Variants in FER1L5 observed in about 807,000 individuals in gnomAD.
FER1L5 encodes the protein fer-1 like family member 5.
In FER1L5, 187 loss-of-function variants were observed where a neutral mutation model predicts 279.9. The observed-to-expected ratio is 0.67, with a 90% CI of 0.59 to 0.75. The LOEUF (loss-of-function observed/expected upper bound fraction) is 0.75, where lower values mean the gene tolerates loss of function less well. FER1L5 is among the 30% of genes least tolerant of loss of function. The pLI is 0.00. For synonymous variants in FER1L5, 921 were observed against 989.7 expected (o/e 0.93, Z 1.30); for missense variants, 2,091 against 2,594.4 (o/e 0.81, Z 4.21).
chr2:96,651,356 CTT>C (rs1272028049), intron 6 of FER1L5, among the ~76,000 whole-genome samples: 9 of 142,524 alleles, frequency 6.3e-5, no homozygotes, highest in Admixed American at 3.6e-4. Context: ...CTTTCTTTTT[CTT>C]TCTTTCCTTC....
rs770801616 is a variant in FER1L5 at position 96,701,998 on chromosome 2, G to T, written c.5114G>T (p.Gly1705Val). Residue 1705 changes from glycine (G) to valine (V), a missense_variant, in exon 46 of 53, where the codon GGG becomes GTG. Physicochemically the swap from Gly to Val is moderately radical, Grantham distance 109 (BLOSUM62 -3). Transcript: ENST00000624922. The stretch of plus-strand genomic sequence containing the variant: ...GTGGACATCTTCCCCAAGAAGCTGG[G>T]GCCTCCTGGCCCCCAAGTCAACATC... The part of the protein sequence containing the change: ...MWVDIFPKKL[G>V]PPGPQVNINP... The T allele has an allele frequency of 6.2e-7, 1 of 1,613,834 alleles. No individual in the cohort carries two copies. Among genetic ancestry groups the T allele is most frequent in the Non-Finnish European group, 8.5e-7 (1 of 1,179,880 alleles).
At chr2:96,680,704 A>G (rs933525021) in intron 19 of FER1L5, among the ~76,000 whole-genome samples, 8 of 152,320 alleles carry the variant, frequency 5.3e-5, no homozygotes, top group African/African-American at 1.4e-4. Context: ...AGTAGAACAT[A>G]CCTATGGAAA....
chr2:96,649,664 T>A lies in FER1L5; in HGVS notation c.381T>A (p.Asp127Glu). 5.2e-6 allele frequency: 8 copies of A among 1,551,572 alleles called. 1 individual carries two copies. The South Asian group carries it at 9.5e-5, about 18-fold the overall frequency. ...AGGTGGCCCACATGAGCAACCAGGA[T>A]ATTGAGAAGACAGGTATGTCCTTCC... Reference protein sequence around the residue: ...TLQVAHMSNQDIEKTGAEDHL... With the variant: ...TLQVAHMSNQEIEKTGAEDHL... The change falls in exon 5 of 53, where the codon GAT becomes GAA. Residue 127 changes from aspartate (D) to glutamate (E), a missense_variant. Physicochemically the swap from Asp to Glu is conservative, Grantham distance 45. Transcript: ENST00000624922.
rs752638777 is a variant in FER1L5, at chr2:96,702,780, A to G, written c.5397+39A>G. 27 of 1,607,742 alleles carry G rather than the reference A, an allele frequency of 1.7e-5. No homozygotes were observed. Among genetic ancestry groups the G allele is most frequent in the East Asian group, 2.2e-5 (1 of 44,664 alleles). ...GGCGTGAGGGGCAACAGGCCACAAC[A>G]AACAGACCCAGGCTCCTGGAGCTCC... On this transcript the variant is annotated intron_variant, in intron 48 of 52. Coordinates refer to ENST00000624922, the MANE Select transcript of FER1L5 (RefSeq NM_001293083.2). This position sits in a 1 kb window ranked among gnomAD's most constrained non-coding sequence, Gnocchi z 4.0.
rs368369982 is a variant in FER1L5, at chr2:96,694,489, G to T, written c.3741+25G>T. ...GGTGCTGGCGATGTGGGATGGGGAC[G>T]GTGGGCAGGACAGGCGGGGGTGGTC... On this transcript the variant is annotated intron_variant, in intron 34 of 52. Transcript: ENST00000624922. This position sits in a 1 kb window ranked among gnomAD's most constrained non-coding sequence, Gnocchi z 4.6. 1 of 1,520,450 alleles carries T rather than the reference G, an allele frequency of 6.6e-7. No individual in the cohort carries two copies. Among genetic ancestry groups the T allele is most frequent in the African/African-American group, 1.4e-5 (1 of 72,572 alleles). 94.2% of individuals were successfully genotyped at this position (1,520,450 alleles called of 1,614,324 possible).
At chr2:96,659,411 T>TTCCTTCCTTCCTTTCTC (rs1558854152) in intron 9 of FER1L5, among the ~76,000 whole-genome samples, 3 of 6,262 alleles carry the variant, frequency 4.8e-4, no homozygotes, top group Non-Finnish European at 8.2e-4. Flanking sequence ...CTTTCTTTCT[T>TTCCTTCCTTCCTTTCTC]TCTTTCTTTC....
chr2:96,669,586 C>T (rs896835750), intron 17 of FER1L5, among the ~76,000 whole-genome samples: 4 of 152,132 alleles, frequency 2.6e-5, no homozygotes, highest in African/African-American at 4.8e-5. Context: ...TGGGAAGGAA[C>T]GAGGCAGGGA....
chr2:96,645,160 G>A (rs1355155234), intron 1 of FER1L5, among the ~76,000 whole-genome samples: 1 of 152,082 alleles, frequency 6.6e-6, no homozygotes, highest in Non-Finnish European at 1.5e-5. Flanking sequence ...GGGTACACTG[G>A]GCTTTGCTCC....
Position 96,691,378 on chromosome 2 carries a change from C to T in FER1L5, c.2907+25C>T. 1 of 1,543,164 alleles carries T rather than the reference C, an allele frequency of 6.5e-7. No individual in the cohort carries two copies. Among genetic ancestry groups the T allele is most frequent in the Non-Finnish European group, 8.8e-7 (1 of 1,141,598 alleles). Reference sequence around the variant, plus strand: ...GGTGAGGGGTCGACGGGCGCCCTGGCTGGGACTGCGGGCAGGGCCGCCTTG... The same window carrying T: ...GGTGAGGGGTCGACGGGCGCCCTGGTTGGGACTGCGGGCAGGGCCGCCTTG... On this transcript the variant is annotated intron_variant, in intron 28 of 52. Coordinates refer to ENST00000624922, the MANE Select transcript of FER1L5 (RefSeq NM_001293083.2). This position sits in a 1 kb window ranked among gnomAD's most constrained non-coding sequence, Gnocchi z 6.0.
In FER1L5 at chr2:96,681,612, G is replaced by A. The variant is rs536371756; in HGVS notation, c.1670-2715G>A. 2.2e-4 allele frequency among the ~76,000 whole-genome samples: 33 copies of A among 151,862 alleles called. No homozygotes were observed. The South Asian group carries it at 4.2e-3, about 19-fold the overall frequency. ...TTGATATGATATAAAAAATCATATC[G>A]TGGTTTCTTTTGCTCACTGTTCTAT... On this transcript the variant is annotated intron_variant, in intron 19 of 52. Transcript: ENST00000624922.
At chr2:96,663,084 T>C (rs2076009829) in intron 13 of FER1L5, among the ~76,000 whole-genome samples, 1 of 152,268 alleles carries the variant, frequency 6.6e-6, no homozygotes, top group Non-Finnish European at 1.5e-5. Context: ...TGCCATTAGC[T>C]GTGTTTTTGC....
chr2:96,663,997 G>A (rs553607529), intron 14 of FER1L5, among the ~76,000 whole-genome samples: 14 of 152,170 alleles, frequency 9.2e-5, no homozygotes, highest in Admixed American at 5.2e-4. Context: ...GAGCTGAGCC[G>A]AGGTAGTATC....
chr2:96,692,292 C>T (rs2077183434), intron 31 of FER1L5, 111 bp downstream of exon 31: 1 of 1,190,396 alleles, frequency 8.4e-7, no homozygotes, highest in Non-Finnish European at 1.2e-6. Context: ...CAGCCAGGGC[C>T]CCTGCCTGTC....
chr2:96,695,616 C>A lies in FER1L5; in HGVS notation c.3849C>A (p.Thr1283=). 6.2e-7 allele frequency: 1 copy of A among 1,604,244 alleles called. No homozygotes were observed. Among genetic ancestry groups the A allele is most frequent in the South Asian group, 1.1e-5 (1 of 89,180 alleles). ...CAGAACCCATCAGGGACTTTCAGAC[C>A]AACCCCAACTTCCCCGAGTCTGAGT... ...LRTEPIRDFQ[T]NPNFPESESV... is the part of the protein sequence containing the mutation. Residue 1283 remains threonine (T), a synonymous_variant, in exon 35 of 53, where the codon ACC becomes ACA. Coordinates refer to ENST00000624922, the MANE Select transcript of FER1L5 (RefSeq NM_001293083.2).
chr2:96,668,762 C>T lies in FER1L5; in HGVS notation c.1152C>T (p.Leu384=). 4 of 1,551,682 alleles carry T rather than the reference C, an allele frequency of 2.6e-6. No individual in the cohort carries two copies. The highest frequency in any genetic ancestry group is 3.5e-6 in the Non-Finnish European group (4 of 1,146,970). ...ILTFRIQLPC[L]SSYIKFRVLD... ...CCTTCCCTCCACAGCTACCCTGCCT[C>T]TCCAGCTACATCAAGTTCAGAGTCT... Residue 384 remains leucine (L), a synonymous_variant, in exon 15 of 53, where the codon CTC becomes CTT. Transcript: ENST00000624922.
chr2:96,702,913 C>CT lies in FER1L5; in HGVS notation c.5398-64dup. On this transcript the variant is annotated intron_variant, in intron 48 of 52. Transcript: ENST00000624922. This position sits in a 1 kb window ranked among gnomAD's most constrained non-coding sequence, Gnocchi z 4.0. ...TCTATCACTGCTGGGTGGAGGGCCA[C>CT]TGAGGGGTGCAAGGGAAACGTCCAG... 1.9e-6 allele frequency: 3 copies of CT among 1,552,970 alleles called. No homozygotes were observed. Among genetic ancestry groups the CT allele is most frequent in the Non-Finnish European group, 2.6e-6 (3 of 1,143,944 alleles).
rs1188743163 is a variant in FER1L5 at position 96,700,029 on chromosome 2, G to A, written c.4879G>A (p.Glu1627Lys). ...GCTACCTCCGCCTCTGTTCAGTCCT[G>A]AGGAAGATGCTGTTTTCTATAATGG... ...KGLPPPLFSPEEDAVFYNGKK... is the reference protein window; with the variant it reads ...KGLPPPLFSPKEDAVFYNGKK... The change falls in exon 44 of 53, where the codon GAG becomes AAG. Residue 1627 changes from glutamate to lysine, a missense_variant. By Grantham distance (56) the Glu-to-Lys change is moderately conservative. Transcript: ENST00000624922. 1 of 1,613,990 alleles carries A rather than the reference G, an allele frequency of 6.2e-7. No individual in the cohort carries two copies. The highest frequency in any genetic ancestry group is 1.3e-5 in the African/African-American group (1 of 75,068).
rs1277866496 is a variant in FER1L5, at chr2:96,693,986, C to A, written c.3550C>A (p.Pro1184Thr). The A allele has an allele frequency of 6.4e-7, 1 of 1,551,550 alleles. No homozygotes were observed. The highest frequency in any genetic ancestry group is 8.7e-7 in the Non-Finnish European group (1 of 1,146,992). Residue 1184 changes from proline (P) to threonine (T), a missense_variant, in exon 33 of 53, where the codon CCC becomes ACC. Pro to Thr is a conservative substitution (Grantham distance 38). Coordinates refer to ENST00000624922, the MANE Select transcript of FER1L5 (RefSeq NM_001293083.2). ...GGATCTCCAGGACCGGATCCTGCCC[C>A]CCATGAGGTGGCATCCCCTTGTAAA... ...WLDLQDRILP[P>T]MRWHPLVKEL...
intron 1 of FER1L5, 123 bp from the exon 2 acceptor site, chr2:96,646,278 G>T: frequency 1.0e-6 from 1 of 990,616 alleles, no homozygotes; most frequent in Non-Finnish European, 1.5e-6. Context: ...GATTACAGGC[G>T]TTAGCCACCA....
Sources: allele counts gnomAD v4.1 joint callset (sites outside exome capture counted in the v4.1 genomes callset), GRCh38; gene constraint gnomAD v4.1.1; non-coding constraint Gnocchi (gnomAD v3.1); transcripts MANE v1.5; gene names NCBI Gene and HGNC (gene_info 2026-07-23, HGNC 2026-07-21).